RIMS2: variants seen among roughly 807,000 people sequenced by gnomAD.
RIMS2 encodes the protein regulating synaptic membrane exocytosis protein 2.
RIMS2 carries 59 observed loss-of-function variants against 174.4 expected under a neutral mutation model. That is an observed-to-expected ratio of 0.34 (90% CI 0.27 to 0.42). The LOEUF is 0.42. Among genes scored for constraint, RIMS2 ranks in the 10% least tolerant of loss-of-function variants. RIMS2 has a pLI of 1.00. For missense variants in RIMS2, 1,620 were observed against 1,666.3 expected, an observed-to-expected ratio of 0.97 and a Z score of 0.48; for synonymous variants, 606 against 572.5, an observed-to-expected ratio of 1.06 and a Z score of -0.84.
At chr8:104,111,751 G>A (rs559530986) in intron 19 of RIMS2, among the ~76,000 whole-genome samples, 2 of 152,182 alleles carry the variant, frequency 1.3e-5, no homozygotes, top group South Asian at 2.1e-4. Context: ...CCAACAATAC[G>A]TTGGCTTGGA....
intron 19 of RIMS2, among the ~76,000 whole-genome samples, chr8:104,199,040 CTTTTA>C (rs61341032): frequency 0.042 from 6,225 of 148,486 alleles, 263 homozygotes; most frequent in East Asian, 0.15. Context: ...TAAAATATAA[CTTTTA>C]TTTTATTTTA....
At chr8:103,623,552 T>G (rs1339652489) in intron 1 of RIMS2, among the ~76,000 whole-genome samples, 1 of 142,730 alleles carries the variant, frequency 7.0e-6, no homozygotes, top group Non-Finnish European at 1.5e-5. Context: ...TGGCGCGATC[T>G]CGGCTCACTG....
chr8:103,936,583 AGAAAAC>A (rs2081295875), exon 13 of RIMS2: 1 of 1,597,506 alleles, frequency 6.3e-7, no homozygotes, highest in African/African-American at 1.4e-5. Flanking sequence ...AAAACAGTAA[AGAAAAC>A]ATTGGAACCC....
At chr8:104,069,399 T>C (rs1032950591) in intron 19 of RIMS2, among the ~76,000 whole-genome samples, 2 of 152,034 alleles carry the variant, frequency 1.3e-5, no homozygotes, top group Non-Finnish European at 2.9e-5. Context: ...TTTTAACTAC[T>C]TTTTGGGAAT....
intron 1 of RIMS2, among the ~76,000 whole-genome samples, chr8:103,591,026 G>C (rs911949654): frequency 2.0e-5 from 3 of 150,286 alleles, no homozygotes; most frequent in Non-Finnish European, 4.5e-5. Context: ...TATACCTTTT[G>C]GGAGTATTTT....
At chr8:103,978,440 A>G (rs932884904) in intron 16 of RIMS2, among the ~76,000 whole-genome samples, 1 of 128,146 alleles carries the variant, frequency 7.8e-6, no homozygotes, top group African/African-American at 2.5e-5. Context: ...AAAAATTACT[A>G]AATTTAAAAT....
chr8:104,005,487 A>G (rs1018479855), intron 17 of RIMS2, among the ~76,000 whole-genome samples: 1 of 152,216 alleles, frequency 6.6e-6, no homozygotes, highest in Non-Finnish European at 1.5e-5. Context: ...AGGAAGGTTG[A>G]TGTTTAAGGA....
chr8:103,836,572 A>C (rs757386999), intron 3 of RIMS2, among the ~76,000 whole-genome samples: 5 of 152,124 alleles, frequency 3.3e-5, no homozygotes, highest in Non-Finnish European at 5.9e-5. Flanking sequence ...TCTCTAAATA[A>C]ATAAATAAAT....
chr8:103,811,897 G>T (rs1051954577), intron 3 of RIMS2, among the ~76,000 whole-genome samples: 2 of 152,218 alleles, frequency 1.3e-5, no homozygotes, highest in Admixed American at 6.5e-5. Context: ...AAAGAAGAGT[G>T]AGAGAGATCA....
chr8:104,054,323 T>C (rs1017707044), intron 19 of RIMS2, among the ~76,000 whole-genome samples: 6 of 152,146 alleles, frequency 3.9e-5, no homozygotes, highest in African/African-American at 1.4e-4. Flanking sequence ...GTAGTCATTC[T>C]TGTACACTTG....
intron 19 of RIMS2, among the ~76,000 whole-genome samples, chr8:104,213,259 C>T (rs1248698665): frequency 6.6e-6 from 1 of 152,044 alleles, no homozygotes; most frequent in Non-Finnish European, 1.5e-5. Context: ...TGCAGTGAGC[C>T]GAGATCATGC....
At chr8:104,174,413 C>CT (rs1448369532) in intron 19 of RIMS2, among the ~76,000 whole-genome samples, 1 of 54,858 alleles carries the variant, frequency 1.8e-5, no homozygotes, top group Non-Finnish European at 3.3e-5. Flanking sequence ...GCACAAAGAG[C>CT]TAAAAAAAAA....
chr8:104,157,337 A>C (rs1230381652), intron 19 of RIMS2, among the ~76,000 whole-genome samples: 1 of 152,180 alleles, frequency 6.6e-6, no homozygotes, highest in Non-Finnish European at 1.5e-5. Context: ...TTTGAATTGG[A>C]TTTCATATTT....
chr8:104,121,167 T>C (rs1234163990), intron 19 of RIMS2, among the ~76,000 whole-genome samples: 4 of 152,210 alleles, frequency 2.6e-5, no homozygotes, highest in African/African-American at 9.6e-5. Context: ...TAAATAATTA[T>C]AATACAGTTA....
chr8:103,765,654 C>T lies in RIMS2; in HGVS notation c.388-573C>T, dbSNP rs62527097. Among the ~76,000 whole-genome samples the T allele has an allele frequency of 9.2e-3, 1,392 of 152,062 alleles. 19 individuals are homozygous for T. Among genetic ancestry groups the T allele is most frequent in the Middle Eastern group, 0.041 (12 of 292 alleles). Reference sequence around the variant, plus strand: ...GCTACTTGAAAAAAATAAAAGCCCCCTTAAGAATATAATTGCGGTTAGAAT... The same window carrying T: ...GCTACTTGAAAAAAATAAAAGCCCCTTTAAGAATATAATTGCGGTTAGAAT... On this transcript the variant is annotated intron_variant, in intron 2 of 23. Transcript: ENST00000504942.
intron 16 of RIMS2, among the ~76,000 whole-genome samples, chr8:103,985,201 C>T (rs2154549688): frequency 6.6e-6 from 1 of 152,094 alleles, no homozygotes; most frequent in African/African-American, 2.4e-5. Flanking sequence ...CGGGGCCAGG[C>T]ACGGTGGCTT....
At chr8:103,657,888 A>G (rs2096550293) in intron 1 of RIMS2, among the ~76,000 whole-genome samples, 1 of 152,122 alleles carries the variant, frequency 6.6e-6, no homozygotes, top group Admixed American at 6.6e-5. Context: ...TTTTCTGGAA[A>G]CTCAGAGTAT....
At chr8:104,073,935 G>T (rs2097242248) in intron 19 of RIMS2, among the ~76,000 whole-genome samples, 1 of 152,100 alleles carries the variant, frequency 6.6e-6, no homozygotes, top group Non-Finnish European at 1.5e-5. Flanking sequence ...AACTGAAATT[G>T]GTGGACTTAT....
At chr8:104,123,999 A>G (rs1169767486) in intron 19 of RIMS2, among the ~76,000 whole-genome samples, 5 of 152,184 alleles carry the variant, frequency 3.3e-5, no homozygotes, top group Admixed American at 3.3e-4. Flanking sequence ...CAACAACAAA[A>G]GTGGACCTGT....
Sources: allele counts gnomAD v4.1 joint callset (sites outside exome capture counted in the v4.1 genomes callset), GRCh38; gene constraint gnomAD v4.1.1; transcripts MANE v1.5; gene names NCBI Gene and HGNC (gene_info 2026-07-23, HGNC 2026-07-21).